PPP2R2B: variants seen among roughly 807,000 people sequenced by gnomAD.
PPP2R2B encodes serine/threonine-protein phosphatase 2A 55 kDa regulatory subunit B beta isoform.
A neutral mutation model predicts 46.0 loss-of-function variants in PPP2R2B; 5 were observed. The ratio of observed to expected loss-of-function variants is 0.11; its 90% confidence interval spans 0.06 to 0.23. The LOEUF (loss-of-function observed/expected upper bound fraction) is 0.23. Ranked by LOEUF, PPP2R2B falls within the 10% of genes least tolerant of loss-of-function variation. The probability of loss-of-function intolerance (pLI) is 1.00; values close to 1 mark genes in which losing one functional copy is unlikely to be tolerated. For synonymous variants in PPP2R2B, 215 were observed against 206.7 expected, an observed-to-expected ratio of 1.04 and a Z score of -0.34; for missense variants, 367 against 575.0, an observed-to-expected ratio of 0.64 and a Z score of 3.70.
chr5:146,609,967 G>C (rs879187632), intron 7 of PPP2R2B, among the ~76,000 whole-genome samples: 1 of 143,624 alleles, frequency 7.0e-6, no homozygotes, highest in Non-Finnish European at 1.5e-5. Context: ...CAAAGCAGCC[G>C]GGAAGCTCGA....
intron 2 of PPP2R2B, among the ~76,000 whole-genome samples, chr5:146,755,059 A>G (rs1159609731): frequency 6.6e-6 from 1 of 152,158 alleles, no homozygotes; most frequent in Admixed American, 6.5e-5. Flanking sequence ...TATAAACATA[A>G]ATTTTTAAAT....
chr5:146,606,075 TAAG>T (rs1207367794), intron 7 of PPP2R2B, among the ~76,000 whole-genome samples: 2 of 152,252 alleles, frequency 1.3e-5, no homozygotes, highest in East Asian at 1.9e-4. Flanking sequence ...GAGAAAGAAT[TAAG>T]AAGAAGACTG....
chr5:146,698,317 A>AATATATAT (rs35533710), intron 3 of PPP2R2B, among the ~76,000 whole-genome samples, 173 bp from the exon 4 acceptor site: 34 of 85,630 alleles, frequency 4.0e-4, no homozygotes, highest in East Asian at 7.9e-4. Context: ...AAAAAAAAAA[A>AATATATAT]ATATATATAT....
intron 2 of PPP2R2B, among the ~76,000 whole-genome samples, chr5:146,704,522 T>G (rs1779719569): frequency 6.6e-6 from 1 of 152,206 alleles, no homozygotes; most frequent in Admixed American, 6.5e-5. Context: ...CTGTTGTATA[T>G]AGATGTGGAT....
At position 146,878,186 on chromosome 5, in the gene PPP2R2B, T is replaced by C; in HGVS notation, c.-115A>G. On this transcript the variant is annotated 5_prime_UTR_variant, in exon 2 of 10. An upstream start codon of the reference 5' UTR is lost. Transcript: ENST00000394411. This position sits in a 1 kb window ranked among gnomAD's most constrained non-coding sequence, Gnocchi z 4.5. ...CAGGGGAGCCAGTGGGACTGCACCATGGTCCGAGCCTGAGGAGGAGACGGG... is the reference window on the plus strand; with the variant it reads ...CAGGGGAGCCAGTGGGACTGCACCACGGTCCGAGCCTGAGGAGGAGACGGG... 1.5e-5 allele frequency: 24 copies of C among 1,591,910 alleles called. No individual in the cohort carries two copies. The highest frequency in any genetic ancestry group is 2.0e-5 in the Non-Finnish European group (23 of 1,168,534).
chr5:146,928,048 GT>G (rs1763840569), intron 1 of PPP2R2B, among the ~76,000 whole-genome samples: 1 of 152,060 alleles, frequency 6.6e-6, no homozygotes, highest in African/African-American at 2.4e-5. Flanking sequence ...CCACCTTCAA[GT>G]CCCCAAAGCT....
At chr5:147,009,862 CA>C (rs1245044548) in intron 1 of PPP2R2B, among the ~76,000 whole-genome samples, 3 of 135,828 alleles carry the variant, frequency 2.2e-5, no homozygotes, top group Admixed American at 1.4e-4. Context: ...TACACACACA[CA>C]TACACACACA....
chr5:146,861,258 G>A (rs919981157), intron 2 of PPP2R2B, among the ~76,000 whole-genome samples: 6 of 151,966 alleles, frequency 3.9e-5, no homozygotes, highest in South Asian at 2.1e-4. Context: ...GGGTTTCACC[G>A]TGTTAGCCAG....
At chr5:147,036,362 T>C (rs544064355) in intron 1 of PPP2R2B, among the ~76,000 whole-genome samples, 2 of 152,362 alleles carry the variant, frequency 1.3e-5, no homozygotes, top group Admixed American at 1.3e-4. Context: ...TTTTTATGGC[T>C]GCACAGTATT....
chr5:146,747,380 TC>T (rs1753258822), intron 2 of PPP2R2B, among the ~76,000 whole-genome samples: 1 of 152,042 alleles, frequency 6.6e-6, no homozygotes. Flanking sequence ...AACCTATAAT[TC>T]CCAATTTATG....
intron 5 of PPP2R2B, among the ~76,000 whole-genome samples, chr5:146,685,153 C>T (rs1349147377): frequency 6.6e-6 from 1 of 152,142 alleles, no homozygotes; most frequent in Non-Finnish European, 1.5e-5. Context: ...TTGTCATCCT[C>T]ACTGTTGTTT....
At chr5:146,696,172 C>T (rs554458022) in intron 4 of PPP2R2B, among the ~76,000 whole-genome samples, 147 of 150,864 alleles carry the variant, frequency 9.7e-4, no homozygotes, top group Non-Finnish European at 1.8e-3. Context: ...GGAGTGATCT[C>T]GGCTTACTCC....
intron 2 of PPP2R2B, among the ~76,000 whole-genome samples, chr5:146,789,195 G>C (rs762695107): frequency 2.6e-5 from 4 of 152,142 alleles, no homozygotes; most frequent in Non-Finnish European, 5.9e-5. Context: ...AGAGTAGGAA[G>C]GAGGATTTCT....
At chr5:146,822,735 C>T (rs1561935434) in intron 2 of PPP2R2B, among the ~76,000 whole-genome samples, 1 of 152,114 alleles carries the variant, frequency 6.6e-6, no homozygotes, top group African/African-American at 2.4e-5. Flanking sequence ...CTTGATCTTG[C>T]TCACTTCTTT....
At chr5:146,895,940 A>G (rs1762631569) in intron 1 of PPP2R2B, among the ~76,000 whole-genome samples, 1 of 152,176 alleles carries the variant, frequency 6.6e-6, no homozygotes, top group East Asian at 1.9e-4. Context: ...TGATTCTTCA[A>G]TAAGAAATTA....
In PPP2R2B at chr5:147,009,687, CAT is replaced by C. The variant is rs535042442; in HGVS notation, c.79+45976_79+45977del. 3.8e-3 allele frequency among the ~76,000 whole-genome samples: 574 copies of C among 152,138 alleles called. 3 individuals are homozygous for C. Among genetic ancestry groups the C allele is most frequent in the African/African-American group, 0.011 (456 of 41,532 alleles). The stretch of plus-strand genomic sequence containing the variant: ...CTGAAAACCTAAAGATATCACTTCA[CAT>C]GTTTTCAATTCATTTTAATATTGCA... On this transcript the variant is annotated intron_variant, in intron 1 of 8. Coordinates refer to the PPP2R2B transcript ENST00000336640.
chr5:146,856,236 T>A (rs1760656596), intron 2 of PPP2R2B, among the ~76,000 whole-genome samples: 2 of 152,324 alleles, frequency 1.3e-5, no homozygotes, highest in South Asian at 4.1e-4. Flanking sequence ...TATAACCAGT[T>A]ATATCATCCC....
chr5:146,988,768 G>A (rs1261536034), intron 1 of PPP2R2B, among the ~76,000 whole-genome samples: 1 of 151,674 alleles, frequency 6.6e-6, no homozygotes, highest in Admixed American at 6.6e-5. Flanking sequence ...ATAAAGATCA[G>A]AGCAGAAATA....
In PPP2R2B at chr5:146,698,115, T is replaced by C. The variant is rs968453435; in HGVS notation, c.198A>G (p.Glu66=). The change falls in exon 4 of 10, where the codon GAA becomes GAG. Residue 66 remains glutamate (E), a synonymous_variant. Coordinates refer to ENST00000394411, the MANE Select transcript of PPP2R2B (RefSeq NM_181675.4). ...ESKNQVHRRG[E]YNVYSTFQSH... Reference sequence around the variant, plus strand: ...TCTGGAATGTGCTGTAAACATTGTATTCACCCCTACGATGAACCTGATTTT... The same window carrying C: ...TCTGGAATGTGCTGTAAACATTGTACTCACCCCTACGATGAACCTGATTTT... The C allele has an allele frequency of 1.2e-6, 2 of 1,607,902 alleles. No homozygotes were observed. Among genetic ancestry groups the C allele is most frequent in the South Asian group, 1.1e-5 (1 of 90,366 alleles).
Sources: allele counts gnomAD v4.1 joint callset (sites outside exome capture counted in the v4.1 genomes callset), GRCh38; gene constraint gnomAD v4.1.1; non-coding constraint Gnocchi (gnomAD v3.1); transcripts MANE v1.5; gene names NCBI Gene and HGNC (gene_info 2026-07-23, HGNC 2026-07-21).